The following ROBO1 variants were observed in gnomAD, a reference collection of about 807,000 sequenced individuals.
The protein encoded by ROBO1 is roundabout homolog 1.
A neutral mutation model predicts 195.9 loss-of-function variants in ROBO1; 149 were observed. That is an observed-to-expected ratio of 0.76 (90% CI 0.67 to 0.87). ROBO1 has a LOEUF of 0.87. Among genes scored for constraint, ROBO1 ranks in the 40% least tolerant of loss-of-function variants. ROBO1 has a pLI of 0.00. For synonymous variants in ROBO1, 816 were observed against 733.2 expected, an observed-to-expected ratio of 1.11 and a Z score of -1.82; for missense variants, 1,933 against 2,068.3, an observed-to-expected ratio of 0.93 and a Z score of 1.27.
In ROBO1 at chr3:78,680,568, C is replaced by A. The variant is rs1358096171; in HGVS notation, c.1342+5178G>T. On this transcript the variant is annotated intron_variant, in intron 10 of 30. Transcript: ENST00000464233. ...AAAAGAAGACATTTATGCAGCCAAA[C>A]AACACATGAAAAAATGCTCACCATC... Among the ~76,000 whole-genome samples the A allele has an allele frequency of 5.9e-5, 9 of 151,756 alleles. No individual in the cohort carries two copies. In the South Asian group the frequency reaches 8.4e-4, roughly 14 times the overall value.
At chr3:79,674,825 T>G in intron 1 of ROBO1, among the ~76,000 whole-genome samples, 1 of 124,754 alleles carries the variant, frequency 8.0e-6, no homozygotes, top group Non-Finnish European at 1.7e-5. Flanking sequence ...TCTATTTATA[T>G]CCGTGTGTGT....
At position 79,230,625 on chromosome 3, in the gene ROBO1, A is replaced by G. The variant is rs888736652; in HGVS notation, c.89-105086T>C. 2.0e-5 allele frequency among the ~76,000 whole-genome samples: 3 copies of G among 152,182 alleles called. No homozygotes were observed. In the East Asian group the frequency reaches 5.8e-4, roughly 29 times the overall value. On this transcript the variant is annotated intron_variant, in intron 2 of 30. Coordinates refer to ENST00000464233, the MANE Select transcript of ROBO1 (RefSeq NM_002941.4). ...AATCAAAGATGACACAAATGAGTGG[A>G]AAAAAAATCCCATGCTCATGGATAG...
chr3:79,196,774 C>G (rs186668001), intron 2 of ROBO1, among the ~76,000 whole-genome samples: 1 of 151,814 alleles, frequency 6.6e-6, no homozygotes, highest in East Asian at 1.9e-4. Context: ...TGGAAATGTA[C>G]TTGCTGCTCC....
chr3:78,860,326 A>ATATT lies in ROBO1; in HGVS notation c.499+78274_499+78275insAATA, dbSNP rs376853384. On this transcript the variant is annotated intron_variant, in intron 4 of 30. Coordinates refer to ENST00000464233, the MANE Select transcript of ROBO1 (RefSeq NM_002941.4). ...ACTATATATATATATATATATATAT[A>ATATT]TTTTTTTTTTTTTACTCATAAGGTG... 6.9e-3 allele frequency among the ~76,000 whole-genome samples: 643 copies of ATATT among 93,502 alleles called. 14 individuals are homozygous for ATATT. In the South Asian group the frequency reaches 0.078, roughly 11 times the overall value. 61.3% of individuals were successfully genotyped at this position (93,502 alleles called of 152,430 possible).
chr3:78,766,121 G>T (rs549781361), intron 4 of ROBO1, among the ~76,000 whole-genome samples: 1 of 152,132 alleles, frequency 6.6e-6, no homozygotes, highest in South Asian at 2.1e-4. Flanking sequence ...TTAAAATGCC[G>T]GCCTGAATAA....
At chr3:79,466,239 T>C (rs1028702144) in intron 2 of ROBO1, among the ~76,000 whole-genome samples, 3 of 152,204 alleles carry the variant, frequency 2.0e-5, no homozygotes, top group Non-Finnish European at 4.4e-5. Context: ...TAAAATAATG[T>C]ATGGCTTCCT....
At chr3:79,637,892 A>C (rs188904025) in intron 1 of ROBO1, among the ~76,000 whole-genome samples, 22 of 152,268 alleles carry the variant, frequency 1.4e-4, no homozygotes, top group Admixed American at 2.0e-4. Context: ...CTTTTTAAAA[A>C]GGACTTTTGA....
intron 29 of ROBO1, among the ~76,000 whole-genome samples, chr3:78,601,486 C>G (rs867429593): frequency 1.2e-4 from 18 of 152,150 alleles, no homozygotes; most frequent in African/African-American, 4.1e-4. Flanking sequence ...GTTTCTGCAG[C>G]TTCTCTTCAT....
intron 2 of ROBO1, among the ~76,000 whole-genome samples, chr3:79,458,729 G>C (rs2039700883): frequency 6.6e-6 from 1 of 151,168 alleles, no homozygotes. Context: ...CTGGTGAAAA[G>C]GAGTGGGGAG....
intron 14 of ROBO1, among the ~76,000 whole-genome samples, chr3:78,666,122 A>C (rs1707720234): frequency 6.6e-6 from 1 of 152,110 alleles, no homozygotes; most frequent in Non-Finnish European, 1.5e-5. Flanking sequence ...TCTTGCTGCC[A>C]CCATGTGAAC....
intron 1 of ROBO1, among the ~76,000 whole-genome samples, chr3:79,665,532 C>T (rs991047705): frequency 1.3e-5 from 2 of 151,614 alleles, no homozygotes; most frequent in African/African-American, 4.8e-5. Context: ...CATAGCAATA[C>T]CAAATTGTAA....
At chr3:79,381,625 T>C (rs572804152) in intron 2 of ROBO1, among the ~76,000 whole-genome samples, 1 of 152,078 alleles carries the variant, frequency 6.6e-6, no homozygotes, top group Non-Finnish European at 1.5e-5. Flanking sequence ...CCTAAAGTCT[T>C]ACTTAAACTC....
chr3:79,563,700 C>T (rs558219429), intron 2 of ROBO1, among the ~76,000 whole-genome samples: 7 of 152,058 alleles, frequency 4.6e-5, no homozygotes, highest in South Asian at 4.2e-4. Context: ...GCTTGAATTG[C>T]GTATCTTTCA....
chr3:79,121,837 C>G (rs976906545), intron 3 of ROBO1, among the ~76,000 whole-genome samples: 6 of 151,762 alleles, frequency 4.0e-5, no homozygotes, highest in African/African-American at 1.5e-4. Context: ...AATTCCTTTC[C>G]TGATTACTGC....
intron 7 of ROBO1, among the ~76,000 whole-genome samples, chr3:78,715,793 C>A (rs1198604296): frequency 6.6e-6 from 1 of 152,194 alleles, no homozygotes; most frequent in Non-Finnish European, 1.5e-5. Flanking sequence ...TCCTCGGCCT[C>A]CCAAAGTGCT....
At chr3:79,296,876 C>T (rs758923276) in intron 2 of ROBO1, among the ~76,000 whole-genome samples, 1 of 152,114 alleles carries the variant, frequency 6.6e-6, no homozygotes, top group African/African-American at 2.4e-5. Context: ...GGTGTTCAAA[C>T]TGTAAAATGT....
At chr3:79,425,256 C>G (rs146574485) in intron 2 of ROBO1, among the ~76,000 whole-genome samples, 1 of 152,054 alleles carries the variant, frequency 6.6e-6, no homozygotes, top group South Asian at 2.1e-4. Context: ...TTGTTAGAAA[C>G]GGACCACGCT....
chr3:78,713,091 T>C (rs2081805258), intron 8 of ROBO1, among the ~76,000 whole-genome samples: 1 of 152,186 alleles, frequency 6.6e-6, no homozygotes. Context: ...AGGTTTTCTT[T>C]TCTTAGTTTT....
chr3:79,532,988 A>T, intron 2 of ROBO1: 1 of 318,606 alleles, frequency 3.1e-6, no homozygotes, highest in South Asian at 2.5e-5. Flanking sequence ...ATCTGCTTTA[A>T]AAAAAAGTAT....
Sources: allele counts gnomAD v4.1 joint callset (sites outside exome capture counted in the v4.1 genomes callset), GRCh38; gene constraint gnomAD v4.1.1; transcripts MANE v1.5; gene names NCBI Gene and HGNC (gene_info 2026-07-23, HGNC 2026-07-21).